MAN1A2: variants seen among roughly 807,000 people sequenced by gnomAD.
MAN1A2 encodes mannosidase alpha class 1A member 2.
MAN1A2 carries 26 observed loss-of-function variants against 75.7 expected under a neutral mutation model. The ratio of observed to expected loss-of-function variants is 0.34; its 90% CI spans 0.25 to 0.48. The LOEUF (loss-of-function observed/expected upper bound fraction) is 0.48, where lower values mean the gene tolerates loss of function less well. Ranked by LOEUF, MAN1A2 falls within the 20% of genes least tolerant of loss-of-function variation. The pLI, the probability that MAN1A2 is intolerant of heterozygous loss-of-function variation, is 0.99. For synonymous variants in MAN1A2, 247 were observed against 264.6 expected (o/e 0.93, Z 0.65); for missense variants, 562 against 775.5 (o/e 0.72, Z 3.27).
chr1:117,442,352 T>C (rs370793385), intron 6 of MAN1A2, 27 bp downstream of exon 6: 1 of 1,440,002 alleles, frequency 6.9e-7, no homozygotes, highest in Admixed American at 1.7e-5. Context: ...ATTCTTATTC[T>C]GGAAGAATTA....
At chr1:117,517,620 A>G (rs1651750739) in intron 12 of MAN1A2, among the ~76,000 whole-genome samples, 1 of 152,142 alleles carries the variant, frequency 6.6e-6, no homozygotes, top group Admixed American at 6.6e-5. Flanking sequence ...TCTTATAAAA[A>G]TAGAAAGTTG....
intron 1 of MAN1A2, among the ~76,000 whole-genome samples, chr1:117,393,459 A>G (rs1210759516): frequency 2.0e-5 from 3 of 151,808 alleles, no homozygotes; most frequent in Non-Finnish European, 2.9e-5. Flanking sequence ...GTAACTATTT[A>G]TATAACTGCT....
chr1:117,460,653 G>A, intron 7 of MAN1A2, 41 bp downstream of exon 7: 3 of 1,550,286 alleles, frequency 1.9e-6, no homozygotes, highest in Non-Finnish European at 2.6e-6. Context: ...GTTATAAAGA[G>A]TCCTTTAAGA....
chr1:117,413,588 C>A (rs555137483), intron 3 of MAN1A2, among the ~76,000 whole-genome samples: 1 of 151,740 alleles, frequency 6.6e-6, no homozygotes, highest in African/African-American at 2.4e-5. Flanking sequence ...GGGTATAAAT[C>A]ATCATTTGAT....
chr1:117,452,230 C>T (rs185313354), intron 6 of MAN1A2, among the ~76,000 whole-genome samples: 11 of 151,840 alleles, frequency 7.2e-5, no homozygotes, highest in Admixed American at 6.6e-4. Context: ...TCACTTGAAC[C>T]TGGGAGGCGG....
At chr1:117,443,407 A>G (rs1207256665) in intron 6 of MAN1A2, among the ~76,000 whole-genome samples, 10 of 152,190 alleles carry the variant, frequency 6.6e-5, no homozygotes. Context: ...GGATATGGCC[A>G]AGTGATGTTG....
chr1:117,468,198 G>T (rs1650037961), intron 8 of MAN1A2, among the ~76,000 whole-genome samples: 1 of 152,080 alleles, frequency 6.6e-6, no homozygotes, highest in Non-Finnish European at 1.5e-5. Flanking sequence ...TTCACATGGT[G>T]GCAGGAAGGA....
intron 1 of MAN1A2, among the ~76,000 whole-genome samples, chr1:117,370,738 AGTGTGTGT>A (rs71658400): frequency 5.4e-5 from 8 of 148,214 alleles, no homozygotes; most frequent in South Asian, 2.2e-4. Flanking sequence ...ATCTTCATTT[AGTGTGTGT>A]GTGTGTGTGT....
At chr1:117,460,116 C>T (rs1334374407) in intron 6 of MAN1A2, among the ~76,000 whole-genome samples, 1 of 150,364 alleles carries the variant, frequency 6.7e-6, no homozygotes, top group African/African-American at 2.4e-5. Flanking sequence ...TATGGAAAGA[C>T]CACCAACTTG....
intron 1 of MAN1A2, among the ~76,000 whole-genome samples, chr1:117,373,103 C>CA (rs1557922944): frequency 6.6e-6 from 1 of 151,988 alleles, no homozygotes; most frequent in African/African-American, 2.4e-5. Flanking sequence ...GTCCAGGCTG[C>CA]AGTGTGCTTT....
intron 12 of MAN1A2, among the ~76,000 whole-genome samples, chr1:117,509,680 T>C (rs551363875): frequency 1.3e-5 from 2 of 152,094 alleles, no homozygotes; most frequent in Admixed American, 1.3e-4. Context: ...CTTGTCATAT[T>C]AAAATCAGTT....
At chr1:117,421,709 T>A (rs967334014) in intron 5 of MAN1A2, among the ~76,000 whole-genome samples, 2 of 152,094 alleles carry the variant, frequency 1.3e-5, no homozygotes, top group Non-Finnish European at 2.9e-5. Flanking sequence ...AATTTTATTG[T>A]CAAATTATAT....
Position 117,485,713 on chromosome 1 carries a change from A to G in MAN1A2, c.1169-7434A>G, listed in dbSNP as rs146095981. ...TCCATCCCTGGTATTTACCACTAGA[A>G]TAACTATACAGCCCTCTTTTTTAAA... On this transcript the variant is annotated intron_variant, in intron 8 of 12. Transcript: ENST00000356554. Among the ~76,000 whole-genome samples, 8 of 152,148 alleles carry G rather than the reference A, an allele frequency of 5.3e-5. No individual in the cohort carries two copies. The East Asian group carries it at 1.6e-3, about 30-fold the overall frequency.
chr1:117,448,044 A>G (rs1649294554), intron 6 of MAN1A2, among the ~76,000 whole-genome samples: 1 of 152,122 alleles, frequency 6.6e-6, no homozygotes, highest in African/African-American at 2.4e-5. Flanking sequence ...GATTCTTTCT[A>G]TCCATGAGCA....
At chr1:117,454,047 A>G (rs1570756537) in intron 6 of MAN1A2, among the ~76,000 whole-genome samples, 1 of 152,232 alleles carries the variant, frequency 6.6e-6, no homozygotes, top group African/African-American at 2.4e-5. Flanking sequence ...TATTTTTCAA[A>G]TTAAGATATG....
At chr1:117,395,996 G>GT (rs1253641691) in intron 1 of MAN1A2, among the ~76,000 whole-genome samples, 1 of 152,242 alleles carries the variant, frequency 6.6e-6, no homozygotes, top group African/African-American at 2.4e-5. Flanking sequence ...GTCAGGACAT[G>GT]TTCTTCCAGC....
intron 5 of MAN1A2, among the ~76,000 whole-genome samples, chr1:117,434,051 A>G (rs1648765955): frequency 6.6e-6 from 1 of 152,212 alleles, no homozygotes; most frequent in Non-Finnish European, 1.5e-5. Flanking sequence ...CATAGAAAGT[A>G]GAGGGAGTAC....
chr1:117,504,415 G>A (rs376323126), intron 12 of MAN1A2, among the ~76,000 whole-genome samples: 172 of 145,854 alleles, frequency 1.2e-3, no homozygotes, highest in African/African-American at 4.0e-3. Flanking sequence ...CTTTCTTTCT[G>A]TGTACACTCA....
intron 6 of MAN1A2, among the ~76,000 whole-genome samples, chr1:117,458,457 CAG>C (rs1208343502): frequency 7.2e-6 from 1 of 138,744 alleles, no homozygotes; most frequent in Non-Finnish European, 1.5e-5. Flanking sequence ...ATTGAATTGA[CAG>C]AATACAAGTG....
Sources: gnomAD v4.1 joint callset for allele counts (sites outside exome capture counted in the v4.1 genomes callset) on GRCh38, gnomAD v4.1.1 for gene constraint, MANE v1.5 for transcripts, NCBI Gene and HGNC (gene_info 2026-07-23, HGNC 2026-07-21) for gene names.